The following UGT1A7 variants were observed in gnomAD, a reference collection of about 807,000 sequenced individuals.
UGT1A7 encodes UDP-glucuronosyltransferase 1A7.
A neutral mutation model predicts 45.6 loss-of-function variants in UGT1A7; 33 were observed. The observed-to-expected ratio is 0.72, with a 90% CI of 0.55 to 0.97. The LOEUF is 0.97. UGT1A7 is among the 50% of genes least tolerant of loss of function. UGT1A7 has a pLI of 0.00. For synonymous variants in UGT1A7, 274 were observed against 250.6 expected (o/e 1.09, Z -0.88); for missense variants, 684 against 666.2 (o/e 1.03, Z -0.29).
intron 1 of UGT1A7, among the ~76,000 whole-genome samples, chr2:233,696,633 T>A (rs1245843858): frequency 6.6e-6 from 1 of 152,220 alleles, no homozygotes; most frequent in Non-Finnish European, 1.5e-5. Context: ...TCTTGCTTAA[T>A]TGCTTTGGAT....
intron 1 of UGT1A7, among the ~76,000 whole-genome samples, chr2:233,714,210 C>T (rs368814917): frequency 6.6e-4 from 100 of 152,248 alleles, no homozygotes; most frequent in African/African-American, 2.3e-3. Context: ...CTGATCCATC[C>T]AATCTTGCTG....
chr2:233,770,455 A>T (rs903654050), intron 4 of UGT1A7: 7 of 152,170 alleles, frequency 4.6e-5, no homozygotes, highest in African/African-American at 1.7e-4. Context: ...GGAGTTCGAA[A>T]CCAACCTGAC....
chr2:233,713,210 C>T, intron 1 of UGT1A7: 1 of 1,614,238 alleles, frequency 6.2e-7, no homozygotes, highest in East Asian at 2.2e-5. Flanking sequence ...AAGAAGAGAA[C>T]TTTTTCACCC....
At chr2:233,762,433 T>C (rs1249713494) in intron 1 of UGT1A7, among the ~76,000 whole-genome samples, 1 of 152,232 alleles carries the variant, frequency 6.6e-6, no homozygotes, top group African/African-American at 2.4e-5. Context: ...AGAGTAACAG[T>C]GTATTCCCAC....
In UGT1A7 at chr2:233,682,375, T is replaced by C. The variant is rs1194414955; in HGVS notation, c.438T>C (p.Phe146=). The C allele has an allele frequency of 1.9e-6, 3 of 1,613,964 alleles. No individual in the cohort carries two copies. The highest frequency in any genetic ancestry group is 1.7e-6 in the Non-Finnish European group (2 of 1,179,958). ...YLKESCFDAV[F]LDPFDACGLI... ...AGGAGAGTTGTTTTGATGCAGTGTTTCTCGATCCTTTTGATGCCTGTGGCT... is the reference window on the plus strand; with the variant it reads ...AGGAGAGTTGTTTTGATGCAGTGTTCCTCGATCCTTTTGATGCCTGTGGCT... The change falls in exon 1 of 5, where the codon TTT becomes TTC. Residue 146 remains phenylalanine (F), a synonymous_variant. Coordinates refer to ENST00000373426, the MANE Select transcript of UGT1A7 (RefSeq NM_019077.3).
intron 1 of UGT1A7, chr2:233,719,739 A>C (rs758565863): frequency 2.9e-5 from 46 of 1,613,226 alleles, no homozygotes; most frequent in Middle Eastern, 1.8e-4. Flanking sequence ...ACACTTTTTA[A>C]AAAATGTATT....
chr2:233,771,905 G>T (rs1048759513), intron 4 of UGT1A7, among the ~76,000 whole-genome samples: 4 of 151,250 alleles, frequency 2.6e-5, no homozygotes, highest in Non-Finnish European at 5.9e-5. Flanking sequence ...CCTTTCAGGT[G>T]ATAATAGTAA....
chr2:233,694,550 A>C lies in UGT1A7; in HGVS notation c.855+11758A>C, dbSNP rs45573037. Among the ~76,000 whole-genome samples, 1,290 of 152,304 alleles carry C rather than the reference A, an allele frequency of 8.5e-3. 9 individuals carry two copies. Among genetic ancestry groups the C allele is most frequent in the Middle Eastern group, 0.024 (7 of 294 alleles). ...GCCCAGAGTTACTTTGGAAAATAAA[A>C]ATCTGTGAGTTTTAAATTTCAATGT... On this transcript the variant is annotated intron_variant, in intron 1 of 4. Transcript: ENST00000373426.
At position 233,767,893 on chromosome 2, in the gene UGT1A7, CA is replaced by C. The variant is rs745655794; in HGVS notation, c.1034del (p.Asn345ThrfsTer18). ...TGTRPSNLAN[N>X]TILVKWLPQN... ...GAACCCGACCATCGAATCTTGCGAA[CA>C]ACACGATACTTGTTAAGTGGCTACC... On this transcript the variant is annotated frameshift_variant, in exon 3 of 5. Coordinates refer to ENST00000373426, the MANE Select transcript of UGT1A7 (RefSeq NM_019077.3). LOFTEE classifies it high-confidence loss of function. The C allele has an allele frequency of 3.1e-6, 5 of 1,614,158 alleles. No individual in the cohort carries two copies. In the South Asian group the frequency reaches 5.5e-5, roughly 18 times the overall value.
At chr2:233,751,618 G>A (rs1295625249) in intron 1 of UGT1A7, among the ~76,000 whole-genome samples, 1 of 152,174 alleles carries the variant, frequency 6.6e-6, no homozygotes, top group East Asian at 1.9e-4. Context: ...GAGGTGATTG[G>A]ATCATGTGTG....
intron 1 of UGT1A7, among the ~76,000 whole-genome samples, chr2:233,764,460 T>C (rs1698566935): frequency 6.6e-6 from 1 of 152,182 alleles, no homozygotes; most frequent in East Asian, 1.9e-4. Flanking sequence ...ACTTTCGTGA[T>C]CTCCTGCTAT....
At chr2:233,690,758 CAT>C (rs55645630) in intron 1 of UGT1A7, 466,618 of 1,124,270 alleles carry the variant, frequency 0.42, 85,204 homozygotes, top group South Asian at 0.44. Flanking sequence ...CCAGTGCAGA[CAT>C]ACACACACAC....
At chr2:233,698,531 A>T (rs1411997726) in intron 1 of UGT1A7, among the ~76,000 whole-genome samples, 1 of 152,256 alleles carries the variant, frequency 6.6e-6, no homozygotes, top group Non-Finnish European at 1.5e-5. Flanking sequence ...CATAAAGTAA[A>T]CAGAACACGA....
intron 1 of UGT1A7, chr2:233,753,774 T>C (rs1695305556): frequency 6.6e-6 from 1 of 152,238 alleles, no homozygotes; most frequent in Admixed American, 6.5e-5. Flanking sequence ...TTGGAAACGC[T>C]TTTCTTTACA....
At chr2:233,766,965 T>C in intron 1 of UGT1A7, 69 bp from the exon 2 acceptor site, 1 of 1,608,636 alleles carries the variant, frequency 6.2e-7, no homozygotes, top group Non-Finnish European at 8.5e-7. Context: ...ATCTAATTCA[T>C]AACTTACTGT....
At chr2:233,703,713 T>C (rs117258472) in intron 1 of UGT1A7, among the ~76,000 whole-genome samples, 2,672 of 152,246 alleles carry the variant, frequency 0.018, 41 homozygotes, top group South Asian at 0.042. Context: ...AAAATTTAAG[T>C]TTTAAATATA....
At chr2:233,721,966 T>C (rs1022053343) in intron 1 of UGT1A7, 4 of 298,750 alleles carry the variant, frequency 1.3e-5, no homozygotes, top group Admixed American at 7.9e-5. Flanking sequence ...TATGCATACA[T>C]TGATGGCCTG....
At chr2:233,757,471 C>G (rs1223832347) in intron 1 of UGT1A7, among the ~76,000 whole-genome samples, 8 of 147,498 alleles carry the variant, frequency 5.4e-5, no homozygotes, top group African/African-American at 1.5e-4. Context: ...CTTACTGTCT[C>G]CAAAACCATG....
chr2:233,721,923 T>C (rs1336715590), intron 1 of UGT1A7: 2 of 399,724 alleles, frequency 5.0e-6, no homozygotes, highest in Non-Finnish European at 5.0e-6. Flanking sequence ...TTCCATAAAG[T>C]GACATCCTTC....
Sources: gnomAD v4.1 joint callset for allele counts (sites outside exome capture counted in the v4.1 genomes callset) on GRCh38, gnomAD v4.1.1 for gene constraint, MANE v1.5 for transcripts, NCBI Gene and HGNC (gene_info 2026-07-23, HGNC 2026-07-21) for gene names.